CFDP1: variants seen among roughly 807,000 people sequenced by gnomAD.
CFDP1 encodes chromatin remodeling protein CFDP1, also known as heterochromatin-stabilizing protein CFDP1.
Under a neutral mutation model 40.1 loss-of-function variants are expected in CFDP1, and 31 were observed. The ratio of observed to expected loss-of-function variants is 0.77; its 90% confidence interval spans 0.58 to 1.04. CFDP1 has a LOEUF of 1.04. Among genes scored for constraint, CFDP1 ranks in the 50% least tolerant of loss-of-function variants. The pLI, the probability that CFDP1 is intolerant of heterozygous loss-of-function variation, is 0.00. For synonymous variants in CFDP1, 167 were observed against 120.0 expected (o/e 1.39, Z -2.56); for missense variants, 423 against 343.4 (o/e 1.23, Z -1.83).
rs148463461 is a variant in CFDP1, at chr16:75,395,594, G to C, written c.531-385C>G. On this transcript the variant is annotated intron_variant, in intron 4 of 6. Coordinates refer to ENST00000283882, the MANE Select transcript of CFDP1 (RefSeq NM_006324.3). ...GAATCACTTGAACCCGGGAGGCAGA[G>C]GTTGCAGTGAGCCGAGATCACGCCA... 1.4e-3 allele frequency among the ~76,000 whole-genome samples: 220 copies of C among 152,206 alleles called. 1 individual carries two copies. The highest frequency in any genetic ancestry group is 5.2e-3 in the African/African-American group (217 of 41,526).
intron 5 of CFDP1, among the ~76,000 whole-genome samples, chr16:75,330,974 A>C (rs1245693943): frequency 5.3e-5 from 8 of 151,394 alleles, no homozygotes; most frequent in Non-Finnish European, 1.0e-4. Context: ...AAAAAAAAAA[A>C]AAAAAAAAAA....
At chr16:75,355,401 C>T (rs762931381) in intron 5 of CFDP1, among the ~76,000 whole-genome samples, 1 of 152,206 alleles carries the variant, frequency 6.6e-6, no homozygotes, top group Non-Finnish European at 1.5e-5. Context: ...GCTTTATCAA[C>T]TAAATATATA....
rs1414432133 is a variant in CFDP1, at chr16:75,328,332, C to G, written c.651-23150G>C. On this transcript the variant is annotated intron_variant, in intron 5 of 6. Transcript: ENST00000283882. ...GGGCATGGTGGCTCATGCCTGCAAT[C>G]CTGGCACTTTGGGAGGCCGAGGCAG... is the stretch of plus-strand genomic sequence containing the variant. Among the ~76,000 whole-genome samples, 10 of 149,706 alleles carry G rather than the reference C, an allele frequency of 6.7e-5. No individual in the cohort carries two copies. The East Asian group carries it at 1.9e-3, about 28-fold the overall frequency.
chr16:75,299,424 T>TA lies in CFDP1; in HGVS notation c.810-5383dup, dbSNP rs55975805. On this transcript the variant is annotated intron_variant, in intron 6 of 6. Coordinates refer to ENST00000283882, the MANE Select transcript of CFDP1 (RefSeq NM_006324.3). ...AACACGGTGAAACCCCATCTCTACTTAAAAAAAAAAAATACAAAAAATTAG... is the reference window on the plus strand; with the variant it reads ...AACACGGTGAAACCCCATCTCTACTTAAAAAAAAAAAAATACAAAAAATTAG... Among the ~76,000 whole-genome samples the TA allele has an allele frequency of 1.6e-3, 236 of 143,398 alleles. 2 individuals carry two copies. Among genetic ancestry groups the TA allele is most frequent in the African/African-American group, 5.8e-3 (225 of 38,976 alleles). 94.1% of individuals were successfully genotyped at this position (143,398 alleles called of 152,430 possible).
At chr16:75,364,928 GC>G in intron 5 of CFDP1, among the ~76,000 whole-genome samples, 2 of 152,270 alleles carry the variant, frequency 1.3e-5, no homozygotes, top group South Asian at 4.1e-4. Context: ...CTAAACACTG[GC>G]CATTAACTGC....
At chr16:75,421,198 A>G (rs2079276286) in intron 1 of CFDP1, among the ~76,000 whole-genome samples, 1 of 152,168 alleles carries the variant, frequency 6.6e-6, no homozygotes, top group African/African-American at 2.4e-5. Context: ...CAAAGCTGCA[A>G]GGCAGGAAGC....
At position 75,327,785 on chromosome 16, in the gene CFDP1, G is replaced by A. The variant is rs148427468; in HGVS notation, c.651-22603C>T. On this transcript the variant is annotated intron_variant, in intron 5 of 6. Transcript: ENST00000283882. ...GTCGCCCAGGCTGGAGTGCAATGGC[G>A]CGTTCTTGGCTCACTGCAAGCTCTA... Among the ~76,000 whole-genome samples, 60 of 152,058 alleles carry A rather than the reference G, an allele frequency of 3.9e-4. No homozygotes were observed. In the East Asian group the frequency reaches 7.0e-3, roughly 18 times the overall value.
intron 5 of CFDP1, chr16:75,362,919 G>T (rs1227981352): frequency 6.6e-6 from 1 of 152,128 alleles, no homozygotes; most frequent in African/African-American, 2.4e-5. Flanking sequence ...TTGTTATTAT[G>T]GCAGTGGCAG....
intron 5 of CFDP1, among the ~76,000 whole-genome samples, chr16:75,331,517 A>C (rs1264518245): frequency 6.6e-6 from 1 of 152,196 alleles, no homozygotes; most frequent in Non-Finnish European, 1.5e-5. Context: ...GAACATTTCC[A>C]CCATCACAGA....
intron 4 of CFDP1, among the ~76,000 whole-genome samples, chr16:75,399,825 G>C (rs1028153408): frequency 6.6e-6 from 1 of 152,076 alleles, no homozygotes; most frequent in African/African-American, 2.4e-5. Context: ...AAATCGGCTG[G>C]GCGTGGTGGC....
intron 1 of CFDP1, among the ~76,000 whole-genome samples, chr16:75,432,370 T>TAAAAAAA (rs55961935): frequency 3.8e-5 from 4 of 105,578 alleles, no homozygotes; most frequent in African/African-American, 1.4e-4. Context: ...ATGCCATTTC[T>TAAAAAAA]AAAAAAAAAA....
chr16:75,418,547 G>C (rs1176395371), intron 1 of CFDP1, among the ~76,000 whole-genome samples: 1 of 151,934 alleles, frequency 6.6e-6, no homozygotes, highest in African/African-American at 2.4e-5. Context: ...CTGACCTTGT[G>C]ATCCGCCGAC....
At chr16:75,398,692 G>A (rs1470739080) in intron 4 of CFDP1, among the ~76,000 whole-genome samples, 2 of 152,288 alleles carry the variant, frequency 1.3e-5, no homozygotes, top group East Asian at 1.9e-4. Context: ...AGAAACAGAC[G>A]TCTGAGAAGC....
intron 4 of CFDP1, among the ~76,000 whole-genome samples, chr16:75,400,472 G>C (rs1018139849): frequency 2.0e-5 from 3 of 152,266 alleles, no homozygotes; most frequent in Middle Eastern, 3.4e-3. Flanking sequence ...TTTCGAGGTA[G>C]AGGAAAGGAA....
At chr16:75,432,333 C>A (rs2079430662) in intron 1 of CFDP1, among the ~76,000 whole-genome samples, 1 of 137,370 alleles carries the variant, frequency 7.3e-6, no homozygotes, top group South Asian at 2.3e-4. Flanking sequence ...CCCACGAGTT[C>A]GAGACCAGCC....
intron 5 of CFDP1, among the ~76,000 whole-genome samples, chr16:75,369,982 C>A (rs1276207547): frequency 1.3e-5 from 2 of 152,118 alleles, no homozygotes; most frequent in Non-Finnish European, 2.9e-5. Flanking sequence ...CCATGTCGTC[C>A]AGGCTGGTCT....
chr16:75,401,739 T>G (rs1255189306), intron 4 of CFDP1, among the ~76,000 whole-genome samples: 1 of 148,858 alleles, frequency 6.7e-6, no homozygotes, highest in Non-Finnish European at 1.5e-5. Context: ...TTGGTTTTGT[T>G]TTTTACTACC....
intron 5 of CFDP1, chr16:75,394,602 A>T (rs1260983574): frequency 1.3e-5 from 2 of 150,898 alleles, no homozygotes; most frequent in African/African-American, 2.4e-5. Flanking sequence ...AATACTATAA[A>T]CTAGGACTTC....
rs557035900 is a variant in CFDP1, at chr16:75,339,831, A to G, written c.651-34649T>C. ...AGCCCTTCAGCACTCACCAGGTAGAAGCTGTTCTAGATATGAACCACTAAT... is the reference window on the plus strand; with the variant it reads ...AGCCCTTCAGCACTCACCAGGTAGAGGCTGTTCTAGATATGAACCACTAAT... On this transcript the variant is annotated intron_variant, in intron 5 of 6. Transcript: ENST00000283882. Among the ~76,000 whole-genome samples, 3 of 152,312 alleles carry G rather than the reference A, an allele frequency of 2.0e-5. No homozygotes were observed. In the East Asian group the frequency reaches 5.8e-4, roughly 29 times the overall value.
Sources: gnomAD v4.1 joint callset for allele counts (sites outside exome capture counted in the v4.1 genomes callset) on GRCh38, gnomAD v4.1.1 for gene constraint, MANE v1.5 for transcripts, NCBI Gene and HGNC (gene_info 2026-07-23, HGNC 2026-07-21) for gene names.